LRRK1: variants seen among roughly 807,000 people sequenced by gnomAD.
LRRK1 encodes leucine-rich repeat serine/threonine-protein kinase 1.
LRRK1 carries 113 observed loss-of-function variants against 209.1 expected under a neutral mutation model. That is an observed-to-expected ratio of 0.54 (90% CI 0.46 to 0.63). The LOEUF (loss-of-function observed/expected upper bound fraction) is 0.63, where lower values mean the gene tolerates loss of function less well. Ranked by LOEUF, LRRK1 falls within the 30% of genes least tolerant of loss-of-function variation. LRRK1 has a pLI of 0.00. For synonymous variants in LRRK1, 1,144 were observed against 1,099.7 expected (o/e 1.04, Z -0.80); for missense variants, 2,284 against 2,632.2 (o/e 0.87, Z 2.89).
chr15:101,028,854 G>T, intron 19 of LRRK1, 102 bp from the exon 20 acceptor site: 1 of 1,270,034 alleles, frequency 7.9e-7, no homozygotes, highest in Non-Finnish European at 1.1e-6. Flanking sequence ...TTTCTTCTCA[G>T]GAATAATTTG....
chr15:101,051,904 C>T lies in LRRK1; in HGVS notation c.3633C>T (p.Leu1211=). The part of the protein sequence containing the change: ...DFISCPRHPD[L]PVPLQELVPE... ...TCTCCTGCCCCAGACACCCGGACCT[C>T]CCCGTGCCGCTGCAGGAGCTGGTCC... The change falls in exon 24 of 34, where the codon CTC becomes CTT. Residue 1211 remains leucine, a synonymous_variant. Coordinates refer to ENST00000388948, the MANE Select transcript of LRRK1 (RefSeq NM_024652.6). The T allele has an allele frequency of 6.2e-7, 1 of 1,614,036 alleles. No homozygotes were observed. Among genetic ancestry groups the T allele is most frequent in the Non-Finnish European group, 8.5e-7 (1 of 1,180,028 alleles).
At chr15:100,986,298 G>A (rs1170047515) in intron 4 of LRRK1, among the ~76,000 whole-genome samples, 6 of 152,226 alleles carry the variant, frequency 3.9e-5, no homozygotes, top group Admixed American at 1.3e-4. Flanking sequence ...TTTGAAGCAC[G>A]TTGTTATGTG....
chr15:101,005,832 T>C (rs2032923837), intron 6 of LRRK1, among the ~76,000 whole-genome samples: 2 of 152,088 alleles, frequency 1.3e-5, no homozygotes, highest in Non-Finnish European at 2.9e-5. Flanking sequence ...CATGAGTCCA[T>C]AGTGATACTT....
In LRRK1 at chr15:101,022,541, G is replaced by C; in HGVS notation, c.2011G>C (p.Ala671Pro). The C allele has an allele frequency of 6.2e-7, 1 of 1,613,866 alleles. No individual in the cohort carries two copies. The highest frequency in any genetic ancestry group is 8.5e-7 in the Non-Finnish European group (1 of 1,180,002). ...GRAPQVVHGE[A>P]TIRTTKWELQ... ...GGCCCCCCAGGTGGTGCATGGAGAG[G>C]CCACCATCAGGACCACCAAGTGGGA... is the stretch of plus-strand genomic sequence containing the variant. The change falls in exon 15 of 34, where the codon GCC becomes CCC. Residue 671 changes from alanine (A) to proline (P), a missense_variant. Coordinates refer to ENST00000388948, the MANE Select transcript of LRRK1 (RefSeq NM_024652.6). The surrounding 1 kb of genome is among the most constrained non-coding windows in gnomAD (Gnocchi z 4.0).
chr15:100,964,820 AC>A (rs2030350636), intron 2 of LRRK1, among the ~76,000 whole-genome samples: 1 of 152,142 alleles, frequency 6.6e-6, no homozygotes, highest in Non-Finnish European at 1.5e-5. Context: ...GCGCACACAC[AC>A]ATGAGGCCAA....
chr15:101,070,293 G>C lies in LRRK1; in HGVS notation c.*1445G>C, dbSNP rs1274045555. ...TCTGTCAGTCACAGGCTTGGAAAAAGCGAGTCCCCCCACTCTTTTTTTTTT... is the reference window on the plus strand; with the variant it reads ...TCTGTCAGTCACAGGCTTGGAAAAACCGAGTCCCCCCACTCTTTTTTTTTT... On this transcript the variant is annotated 3_prime_UTR_variant, in exon 34 of 34. Coordinates refer to ENST00000388948, the MANE Select transcript of LRRK1 (RefSeq NM_024652.6). The C allele has an allele frequency of 8.2e-5, 12 of 146,244 alleles. No individual in the cohort carries two copies. Among genetic ancestry groups the C allele is most frequent in the Non-Finnish European group, 1.5e-4 (10 of 66,736 alleles). 9.1% of individuals were successfully genotyped at this position (146,244 alleles called of 1,614,324 possible).
chr15:100,922,236 C>T (rs1028481729), intron 1 of LRRK1, among the ~76,000 whole-genome samples: 1 of 152,108 alleles, frequency 6.6e-6, no homozygotes, highest in African/African-American at 2.4e-5. Context: ...AGCAAAGATC[C>T]GTTTGAGGGC....
chr15:100,942,570 G>C (rs538855320), intron 2 of LRRK1, among the ~76,000 whole-genome samples: 1 of 152,164 alleles, frequency 6.6e-6, no homozygotes, highest in Non-Finnish European at 1.5e-5. Flanking sequence ...GTGTGTACAC[G>C]AAAGTGTGAT....
Position 101,048,677 on chromosome 15 carries a change from C to T in LRRK1, c.3299+20C>T. ...CCTCAGGTAGGAACACCTGGAAGCC[C>T]ACCTGCCAGGTCAGCAGGTGCCACA... On this transcript the variant is annotated intron_variant, in intron 22 of 33. Transcript: ENST00000388948. 2 of 1,487,328 alleles carry T rather than the reference C, an allele frequency of 1.3e-6. No homozygotes were observed. The highest frequency in any genetic ancestry group is 2.8e-5 in the South Asian group (2 of 70,894). 92.1% of individuals were successfully genotyped at this position (1,487,328 alleles called of 1,614,324 possible).
chr15:100,982,561 C>G (rs1418072277), intron 3 of LRRK1, among the ~76,000 whole-genome samples: 1 of 152,194 alleles, frequency 6.6e-6, no homozygotes, highest in African/African-American at 2.4e-5. Context: ...AGCAGGAACT[C>G]AGGCTTAGGT....
intron 10 of LRRK1, among the ~76,000 whole-genome samples, chr15:101,013,912 C>T (rs950689000): frequency 6.6e-6 from 1 of 152,146 alleles, no homozygotes; most frequent in Non-Finnish European, 1.5e-5. Flanking sequence ...GTGGCAGACA[C>T]CAGCACTGTA....
intron 29 of LRRK1, among the ~76,000 whole-genome samples, chr15:101,059,221 C>T (rs1199400748): frequency 2.0e-5 from 3 of 152,048 alleles, no homozygotes; most frequent in Admixed American, 6.5e-5. Context: ...GAAACTTTGT[C>T]TCTACAAAAA....
intron 12 of LRRK1, among the ~76,000 whole-genome samples, chr15:101,020,800 G>A (rs2033747577): frequency 6.6e-6 from 1 of 152,168 alleles, no homozygotes. Flanking sequence ...CCCTGTGGCT[G>A]GACACATAGG....
At chr15:100,930,816 C>G (rs2042198305) in intron 2 of LRRK1, among the ~76,000 whole-genome samples, 1 of 152,250 alleles carries the variant, frequency 6.6e-6, no homozygotes, top group African/African-American at 2.4e-5. Flanking sequence ...AAGGAGCCAT[C>G]ACTAGGGATT....
Position 101,027,468 on chromosome 15 carries a change from C to T in LRRK1, c.2526+87C>T, listed in dbSNP as rs2034086741. 1 of 1,553,682 alleles carries T rather than the reference C, an allele frequency of 6.4e-7. No homozygotes were observed. The highest frequency in any genetic ancestry group is 1.4e-5 in the African/African-American group (1 of 73,658). ...ACTTCCCCCTCTCTCCTGTGAAGCC[C>T]ATGTCTGTGTGGCAAGGCTCGGTGG... On this transcript the variant is annotated intron_variant, in intron 18 of 33. Transcript: ENST00000388948. The surrounding 1 kb of genome is among the most constrained non-coding windows in gnomAD (Gnocchi z 5.1).
chr15:101,044,660 G>A (rs941909452), intron 20 of LRRK1, among the ~76,000 whole-genome samples: 2 of 152,194 alleles, frequency 1.3e-5, no homozygotes, highest in Non-Finnish European at 2.9e-5. Flanking sequence ...ACCGCACATC[G>A]TGCTGGGACG....
chr15:101,016,776 C>T (rs932269234), intron 12 of LRRK1, among the ~76,000 whole-genome samples: 2 of 152,200 alleles, frequency 1.3e-5, no homozygotes, highest in Admixed American at 6.5e-5. Context: ...GTCTCTACTG[C>T]CACACGATGG....
Position 101,051,786 on chromosome 15 carries a change from G to C in LRRK1, c.3515G>C (p.Trp1172Ser). ...YVPCPVCETA[W>S]AQHTDPSEKS... ...CCCTGCCCGGTCTGCGAGACAGCCTGGGCCCAGCACACGGACCCCAGTGAG... is the reference window on the plus strand; with the variant it reads ...CCCTGCCCGGTCTGCGAGACAGCCTCGGCCCAGCACACGGACCCCAGTGAG... The change falls in exon 24 of 34, where the codon TGG becomes TCG. Residue 1172 changes from tryptophan (W) to serine (S), a missense_variant. Physicochemically the swap from Trp to Ser is radical, Grantham distance 177 (BLOSUM62 -3). Coordinates refer to ENST00000388948, the MANE Select transcript of LRRK1 (RefSeq NM_024652.6). 6.2e-7 allele frequency: 1 copy of C among 1,614,054 alleles called. No homozygotes were observed. Among genetic ancestry groups the C allele is most frequent in the Non-Finnish European group, 8.5e-7 (1 of 1,180,014 alleles).
Position 100,933,883 on chromosome 15 carries a change from C to T in LRRK1, c.97+9154C>T, listed in dbSNP as rs369856094. 1.6e-4 allele frequency among the ~76,000 whole-genome samples: 22 copies of T among 134,162 alleles called. 2 individuals are homozygous for T. The highest frequency in any genetic ancestry group is 9.3e-4 in the Admixed American group (12 of 12,972). The allele number at this position is 134,162 out of a possible 152,430, so 88.0% of individuals were successfully genotyped here. ...TGCTTGACTTCATCTTCTAACCTGT[C>T]TATTGAACATTTCATTTTGGAACTC... On this transcript the variant is annotated intron_variant, in intron 2 of 33. Transcript: ENST00000388948.
Sources: allele counts gnomAD v4.1 joint callset (sites outside exome capture counted in the v4.1 genomes callset), GRCh38; gene constraint gnomAD v4.1.1; non-coding constraint Gnocchi (gnomAD v3.1); transcripts MANE v1.5; gene names NCBI Gene and HGNC (gene_info 2026-07-23, HGNC 2026-07-21).